The following SPNS2 variants were observed in gnomAD, a reference collection of about 807,000 sequenced individuals.
SPNS2 encodes the protein SPNS lysolipid transporter 2, sphingosine-1-phosphate, also known as sphingosine-1-phosphate transporter SPNS2.
SPNS2 carries 37 observed loss-of-function variants against 57.6 expected under a neutral mutation model. The observed-to-expected ratio is 0.64, with a 90% CI of 0.49 to 0.85. The LOEUF is 0.85. Ranked by LOEUF, SPNS2 falls within the 40% of genes least tolerant of loss-of-function variation. SPNS2 has a pLI of 0.00. For missense variants in SPNS2, 831 were observed against 779.1 expected, an observed-to-expected ratio of 1.07 and a Z score of -0.79; for synonymous variants, 440 against 346.9, an observed-to-expected ratio of 1.27 and a Z score of -2.98.
At position 4,531,111 on chromosome 17, in the gene SPNS2, G is replaced by A. The variant is rs1905449022; in HGVS notation, c.784G>A (p.Ala262Thr). The part of the protein sequence containing the change: ...VKQAAGDWHW[A>T]LRVSPVLGMI... ...GCAGGCAGCCGGAGACTGGCACTGG[G>A]CATTGCGGGTAAGCCCTACGTCCCT... is the stretch of plus-strand genomic sequence containing the variant. The change falls in exon 5 of 13, where the codon GCA becomes ACA. Residue 262 changes from alanine (A) to threonine (T), a missense_variant. This residue lies in a region of SPNS2 where 305 missense variants were observed against 378.3 expected (regional missense o/e 0.81). Transcript: ENST00000329078. 1 of 1,613,988 alleles carries A rather than the reference G, an allele frequency of 6.2e-7. No homozygotes were observed. The highest frequency in any genetic ancestry group is 8.5e-7 in the Non-Finnish European group (1 of 1,179,978).
intron 1 of SPNS2, among the ~76,000 whole-genome samples, chr17:4,502,103 C>T (rs902936731): frequency 3.0e-4 from 45 of 152,202 alleles, no homozygotes; most frequent in Admixed American, 2.7e-3. Context: ...GGGCTGGGCG[C>T]GGTGGCTCAC....
In SPNS2 at chr17:4,533,645, G is replaced by A. The variant is rs893939895; in HGVS notation, c.1279-143G>A. ...GCCGTGGGCATGGCTTGAAGTCTCT[G>A]GATAGCCCATGAATGGATGTGGGCC... On this transcript the variant is annotated intron_variant, in intron 8 of 12. Coordinates refer to ENST00000329078, the MANE Select transcript of SPNS2 (RefSeq NM_001124758.3). The A allele has an allele frequency of 1.2e-5, 13 of 1,075,394 alleles. No homozygotes were observed. In the African/African-American group the frequency reaches 1.4e-4, roughly 11 times the overall value. 66.6% of individuals were successfully genotyped at this position (1,075,394 alleles called of 1,614,324 possible). A position where few individuals can be genotyped will look rare whatever the true frequency, so the allele number is the denominator to read the frequency against.
intron 3 of SPNS2, 132 bp downstream of exon 3, chr17:4,525,325 G>A (rs1905238717): frequency 7.7e-7 from 1 of 1,292,376 alleles, no homozygotes; most frequent in Non-Finnish European, 1.1e-6. Flanking sequence ...TGTCTTCCCA[G>A]TGCAGAAGGA....
intron 3 of SPNS2, among the ~76,000 whole-genome samples, chr17:4,525,786 T>A (rs997200381): frequency 6.6e-5 from 10 of 152,228 alleles, no homozygotes; most frequent in African/African-American, 2.4e-4. Flanking sequence ...ATGGGGATAA[T>A]ACTTCCCAAC....
At chr17:4,531,148 C>A in intron 5 of SPNS2, 29 bp downstream of exon 5, 1 of 1,610,726 alleles carries the variant, frequency 6.2e-7, no homozygotes, top group Non-Finnish European at 8.5e-7. Flanking sequence ...CCCATGAGGA[C>A]ACCCTCCGGT....
rs1786387913 is a variant in SPNS2 at position 4,532,966 on chromosome 17, C to T, written c.936-11C>T. The T allele has an allele frequency of 1.2e-6, 2 of 1,606,774 alleles. No homozygotes were observed. Among genetic ancestry groups the T allele is most frequent in the Non-Finnish European group, 8.5e-7 (1 of 1,176,496 alleles). On this transcript the variant is annotated splice_polypyrimidine_tract_variant and intron_variant, in intron 6 of 12. Coordinates refer to ENST00000329078, the MANE Select transcript of SPNS2 (RefSeq NM_001124758.3). ...CCCTGAGCTCAGTGTCACTGCCTGG[C>T]CTCTCCCCAGCCGCAGCTACGTCTT...
chr17:4,516,104 A>G (rs917624743), intron 2 of SPNS2, among the ~76,000 whole-genome samples: 1 of 152,192 alleles, frequency 6.6e-6, no homozygotes, highest in Non-Finnish European at 1.5e-5. Context: ...ATCTGAGGTC[A>G]GGAGTTCGAG....
At chr17:4,524,405 C>T (rs1275931072) in intron 2 of SPNS2, among the ~76,000 whole-genome samples, 2 of 152,206 alleles carry the variant, frequency 1.3e-5, no homozygotes, top group East Asian at 3.8e-4. Context: ...TGAGATATGG[C>T]TGGGCGCGGT....
chr17:4,515,421 G>A (rs1597362199), intron 2 of SPNS2, among the ~76,000 whole-genome samples: 1 of 152,184 alleles, frequency 6.6e-6, no homozygotes, highest in African/African-American at 2.4e-5. Flanking sequence ...CATAGGCTGG[G>A]GGGGAGCCTG....
intron 4 of SPNS2, 130 bp downstream of exon 4, chr17:4,530,913 G>C (rs1905438355): frequency 6.8e-7 from 1 of 1,472,640 alleles, no homozygotes; most frequent in African/African-American, 1.4e-5. Flanking sequence ...TGGGCGGTCA[G>C]CCTTTGAGAA....
At chr17:4,532,511 C>A in intron 5 of SPNS2, 31 bp from the exon 6 acceptor site, 1 of 1,614,064 alleles carries the variant, frequency 6.2e-7, no homozygotes, top group African/African-American at 1.3e-5. Flanking sequence ...CTCACTGGGC[C>A]CTGGTGTCCT....
chr17:4,502,844 A>C (rs565142571), intron 1 of SPNS2, among the ~76,000 whole-genome samples: 2 of 151,998 alleles, frequency 1.3e-5, no homozygotes, highest in African/African-American at 4.8e-5. Flanking sequence ...TCCTTTCAGG[A>C]CACCTTTGCA....
chr17:4,515,127 G>C (rs961001104), intron 2 of SPNS2, among the ~76,000 whole-genome samples: 9 of 152,148 alleles, frequency 5.9e-5, no homozygotes, highest in African/African-American at 2.2e-4. Context: ...CAGGTGTGAG[G>C]GTTCCCTGGT....
intron 2 of SPNS2, among the ~76,000 whole-genome samples, chr17:4,522,785 C>G (rs980473495): frequency 2.6e-5 from 4 of 152,232 alleles, no homozygotes; most frequent in African/African-American, 9.6e-5. Flanking sequence ...GCTGTGTGAC[C>G]TAGGGTCCAC....
chr17:4,537,345 C>T (rs1375508614), intron 12 of SPNS2, 108 bp from the exon 13 acceptor site: 5 of 402,054 alleles, frequency 1.2e-5, no homozygotes, highest in Admixed American at 3.2e-5. Flanking sequence ...AGCTGCAGGT[C>T]CAGGAGAAGG....
chr17:4,499,345 G>A lies in SPNS2; in HGVS notation c.298G>A (p.Gly100Arg). The change falls in exon 1 of 13, where the codon GGG (glycine) becomes AGG (arginine). Residue 100 changes from glycine to arginine, a missense_variant. By Grantham distance (125) the Gly-to-Arg change is moderately radical. This residue lies in a region of SPNS2 where 305 missense variants were observed against 378.3 expected (regional missense o/e 0.81). Coordinates refer to ENST00000329078, the MANE Select transcript of SPNS2 (RefSeq NM_001124758.3). The surrounding 1 kb of genome is among the most constrained non-coding windows in gnomAD (Gnocchi z 5.2). ...GCCCAAACCGGCCAGCTTGGGCCGC[G>A]GGCGGGGGGCAGCCGCCGCCATCCT... ...QQPKPASLGRGRGAAAAILSL... is the reference protein window; with the variant it reads ...QQPKPASLGRRRGAAAAILSL... 2 of 1,454,694 alleles carry A rather than the reference G, an allele frequency of 1.4e-6. 1 individual carries two copies. Among genetic ancestry groups the A allele is most frequent in the South Asian group, 2.7e-5 (2 of 75,146 alleles). 90.1% of individuals were successfully genotyped at this position (1,454,694 alleles called of 1,614,324 possible).
At chr17:4,505,942 C>G (rs556844338) in intron 1 of SPNS2, among the ~76,000 whole-genome samples, 6 of 152,322 alleles carry the variant, frequency 3.9e-5, no homozygotes, top group African/African-American at 1.4e-4. Context: ...AATGGGCTTC[C>G]AAGAGGCAAA....
In SPNS2 at chr17:4,538,899, G is replaced by T; in HGVS notation, c.*1451G>T. ...TTCTTGTTGTACAAGAACCAGGTCC[G>T]AGTGTTGCCTCCTCTTCCTTCCGGA... On this transcript the variant is annotated 3_prime_UTR_variant, in exon 13 of 13. Coordinates refer to ENST00000329078, the MANE Select transcript of SPNS2 (RefSeq NM_001124758.3). The T allele has an allele frequency of 1.3e-6, 1 of 781,408 alleles. No individual in the cohort carries two copies. Among genetic ancestry groups the T allele is most frequent in the Non-Finnish European group, 2.4e-6 (1 of 418,416 alleles). 48.4% of individuals were successfully genotyped at this position (781,408 alleles called of 1,614,324 possible).
intron 2 of SPNS2, among the ~76,000 whole-genome samples, chr17:4,523,176 C>T (rs947567550): frequency 3.3e-4 from 50 of 152,258 alleles, no homozygotes; most frequent in Non-Finnish European, 6.5e-4. Flanking sequence ...CAGTGGCTCA[C>T]GCCTGTAATC....
Sources: allele counts gnomAD v4.1 joint callset (sites outside exome capture counted in the v4.1 genomes callset), GRCh38; gene constraint gnomAD v4.1.1; regional missense constraint gnomAD v4.1.1; non-coding constraint Gnocchi (gnomAD v3.1); transcripts MANE v1.5; gene names NCBI Gene and HGNC (gene_info 2026-07-23, HGNC 2026-07-21).